The following CHLSN variants were observed in gnomAD, a reference collection of about 807,000 sequenced individuals.
CHLSN encodes the protein protein cholesin.
At chr7:985,390 CG>C in the CHLSN span, 2 of 1,510,568 alleles carry the variant, frequency 1.3e-6, no homozygotes, top group Non-Finnish European at 8.9e-7. Context: ...AGCAGGAGGA[CG>C]GGGGCCCCAG....
At chr7:988,610 C>T in the CHLSN span, 69 of 1,603,654 alleles carry the variant, frequency 4.3e-5, no homozygotes, top group Middle Eastern at 3.3e-4. Flanking sequence ...GTGCAGCCCA[C>T]TCTGTGCCTG....
At chr7:1,127,328 T>G in the CHLSN span, 1 of 1,611,044 alleles carries the variant, frequency 6.2e-7, no homozygotes, top group Non-Finnish European at 8.5e-7. Context: ...GACGCCTTCT[T>G]CAGCTTTTTG....
the CHLSN span, among the ~76,000 whole-genome samples, chr7:1,018,562 G>A: frequency 6.6e-6 from 1 of 152,182 alleles, no homozygotes; most frequent in African/African-American, 2.4e-5. Flanking sequence ...CACCTGGCGT[G>A]GGCTCCAGCT....
At chr7:1,104,534 G>A in the CHLSN span, among the ~76,000 whole-genome samples, 1 of 152,240 alleles carries the variant, frequency 6.6e-6, no homozygotes, top group Non-Finnish European at 1.5e-5. Context: ...TCACAGCAGA[G>A]CTTTCCTCCA....
chr7:1,118,799 C>CAAA, the CHLSN span, among the ~76,000 whole-genome samples: 8,500 of 75,500 alleles, frequency 0.11, 545 homozygotes, highest in Non-Finnish European at 0.13. Flanking sequence ...CCATCTCTAC[C>CAAA]AAAAAAAAAA....
the CHLSN span, among the ~76,000 whole-genome samples, chr7:992,925 C>G: frequency 2.0e-5 from 3 of 152,172 alleles, no homozygotes; most frequent in Non-Finnish European, 4.4e-5. Flanking sequence ...GACTCAGTCC[C>G]TTGTGAAATC....
chr7:1,011,704 C>A, the CHLSN span, among the ~76,000 whole-genome samples: 1 of 151,098 alleles, frequency 6.6e-6, no homozygotes. Context: ...ACCCAGACAC[C>A]CACAGATACC....
chr7:1,092,426 G>A, the CHLSN span: 1 of 1,609,068 alleles, frequency 6.2e-7, no homozygotes, highest in South Asian at 1.1e-5. Context: ...ATCGGCCTGT[G>A]CTACTCCCTC....
At chr7:1,111,114 T>C in the CHLSN span, among the ~76,000 whole-genome samples, 2 of 152,230 alleles carry the variant, frequency 1.3e-5, no homozygotes, top group African/African-American at 4.8e-5. Flanking sequence ...AAACATTTAA[T>C]GTCTGGCTTG....
At chr7:998,604 C>G in the CHLSN span, among the ~76,000 whole-genome samples, 1 of 152,154 alleles carries the variant, frequency 6.6e-6, no homozygotes, top group East Asian at 1.9e-4. Flanking sequence ...ATTACCACAC[C>G]TAGCTAATTT....
the CHLSN span, among the ~76,000 whole-genome samples, chr7:1,023,644 C>T: frequency 9.1e-6 from 1 of 109,678 alleles, no homozygotes. This position sits in a 1 kb window ranked among gnomAD's most constrained non-coding sequence, Gnocchi z 5.0. Flanking sequence ...CACACACACA[C>T]ACACACACAC....
At chr7:1,009,338 G>A in the CHLSN span, among the ~76,000 whole-genome samples, 13 of 152,190 alleles carry the variant, frequency 8.5e-5, no homozygotes, top group African/African-American at 2.7e-4. Context: ...TCAGGGAGAC[G>A]GACAGGAACG....
At chr7:1,035,077 G>A in the CHLSN span, among the ~76,000 whole-genome samples, 9 of 152,080 alleles carry the variant, frequency 5.9e-5, no homozygotes, top group Non-Finnish European at 8.8e-5. Flanking sequence ...ATGTCTTTGC[G>A]ACTGTGAACA....
the CHLSN span, among the ~76,000 whole-genome samples, chr7:1,016,536 A>AAGCAGCGCACGCCAGCGCAC: frequency 3.7e-5 from 2 of 53,352 alleles, no homozygotes; most frequent in Admixed American, 3.8e-4. Flanking sequence ...CACCAGCACA[A>AAGCAGCGCACGCCAGCGCAC]AGCAGCGCAC....
At chr7:1,019,214 G>GAA in the CHLSN span, among the ~76,000 whole-genome samples, 1,653 of 91,490 alleles carry the variant, frequency 0.018, 120 homozygotes, top group African/African-American at 0.069. Flanking sequence ...AAAAAAAACG[G>GAA]GGGGGGGGGA....
the CHLSN span, among the ~76,000 whole-genome samples, chr7:1,031,911 G>C: frequency 6.6e-6 from 1 of 152,182 alleles, no homozygotes; most frequent in East Asian, 1.9e-4. Flanking sequence ...CCCGGGGAAC[G>C]GGCCGAGAGT....
At chr7:987,093 C>A in the CHLSN span, 1 of 1,517,600 alleles carries the variant, frequency 6.6e-7, no homozygotes, top group South Asian at 1.3e-5. Context: ...GAGCCCTGCC[C>A]CACGCCTCTG....
the CHLSN span, among the ~76,000 whole-genome samples, chr7:995,828 G>A: frequency 6.6e-6 from 1 of 152,272 alleles, no homozygotes; most frequent in Admixed American, 6.5e-5. Context: ...GGTGCACACA[G>A]CAGGCCCTGT....
the CHLSN span, among the ~76,000 whole-genome samples, chr7:1,077,247 C>G: frequency 6.6e-6 from 1 of 152,228 alleles, no homozygotes; most frequent in Non-Finnish European, 1.5e-5. Flanking sequence ...GCTCCGCCTC[C>G]CGGGTTCACA....
Sources: gnomAD v4.1 joint callset for allele counts (sites outside exome capture counted in the v4.1 genomes callset) on GRCh38, gnomAD v4.1.1 for gene constraint, Gnocchi (gnomAD v3.1) non-coding constraint, MANE v1.5 for transcripts, NCBI Gene and HGNC (gene_info 2026-07-23, HGNC 2026-07-21) for gene names.